TMPRSS15: variants seen among roughly 807,000 people sequenced by gnomAD.
TMPRSS15 encodes the protein transmembrane serine protease 15, also known as enteropeptidase.
TMPRSS15 carries 128 observed loss-of-function variants against 125.3 expected under a neutral mutation model. That is an observed-to-expected ratio of 1.02 (90% CI 0.89 to 1.18). The LOEUF (loss-of-function observed/expected upper bound fraction) is 1.18, where lower values mean the gene tolerates loss of function less well. TMPRSS15 is among the 50% of genes most tolerant of loss of function. The pLI is 0.00. For synonymous variants in TMPRSS15, 446 were observed against 423.2 expected (o/e 1.05, Z -0.66); for missense variants, 1,283 against 1,212.7 (o/e 1.06, Z -0.86).
chr21:18,445,343 G>A (rs968271959), intron 1 of TMPRSS15, among the ~76,000 whole-genome samples: 6 of 151,696 alleles, frequency 4.0e-5, no homozygotes, highest in African/African-American at 1.5e-4. Flanking sequence ...ACCACTCCTG[G>A]CTAATTTTTG....
chr21:18,470,968 A>G (rs1371461361), intron 1 of TMPRSS15, among the ~76,000 whole-genome samples: 1 of 133,296 alleles, frequency 7.5e-6, no homozygotes, highest in Non-Finnish European at 1.6e-5. Context: ...AAATCACAAG[A>G]TACGTAAAAA....
chr21:18,429,029 G>A lies in TMPRSS15; in HGVS notation c.11-30700C>T, dbSNP rs150781859. On this transcript the variant is annotated intron_variant, in intron 1 of 7. Transcript: ENST00000422787. ...AGGACAGAGCTGCCCAAGACCATGG[G>A]AACCCACCTCTTGCATCAGCATCAG... 9.5e-4 allele frequency among the ~76,000 whole-genome samples: 144 copies of A among 152,316 alleles called. 1 individual carries two copies. The Middle Eastern group carries it at 0.01, about 11-fold the overall frequency.
intron 1 of TMPRSS15, among the ~76,000 whole-genome samples, chr21:18,482,675 G>A (rs528658798): frequency 1.3e-5 from 2 of 151,646 alleles, no homozygotes; most frequent in African/African-American, 4.8e-5. Context: ...GAAATGATAT[G>A]ATTTTACCTA....
At chr21:18,325,097 T>C (rs1246864417) in intron 16 of TMPRSS15, among the ~76,000 whole-genome samples, 2 of 152,078 alleles carry the variant, frequency 1.3e-5, no homozygotes, top group Non-Finnish European at 2.9e-5. Flanking sequence ...CACACGCTTA[T>C]GTAAATACAT....
At chr21:18,430,197 T>C (rs933678512) in intron 1 of TMPRSS15, among the ~76,000 whole-genome samples, 10 of 152,218 alleles carry the variant, frequency 6.6e-5, no homozygotes, top group African/African-American at 2.4e-4. Flanking sequence ...TGTGTATCAA[T>C]GCTGGTGAAT....
chr21:18,302,363 C>A (rs1244470551), intron 18 of TMPRSS15, among the ~76,000 whole-genome samples: 1 of 152,060 alleles, frequency 6.6e-6, no homozygotes, highest in African/African-American at 2.4e-5. Context: ...AGAAGAGATT[C>A]GATGGCAAAT....
chr21:18,411,133 C>G (rs905767404), intron 1 of TMPRSS15, among the ~76,000 whole-genome samples: 2 of 152,096 alleles, frequency 1.3e-5, no homozygotes, highest in Admixed American at 1.3e-4. Context: ...CATTCCTCTG[C>G]TACTTCTAGG....
At chr21:18,327,168 G>A (rs2075300653) in intron 15 of TMPRSS15, among the ~76,000 whole-genome samples, 1 of 152,156 alleles carries the variant, frequency 6.6e-6, no homozygotes, top group Non-Finnish European at 1.5e-5. Context: ...AGCCCTGAAA[G>A]TGATTCAGTT....
intron 17 of TMPRSS15, among the ~76,000 whole-genome samples, 179 bp from the exon 18 acceptor site, chr21:18,313,256 A>G (rs2075120708): frequency 6.6e-6 from 1 of 152,052 alleles, no homozygotes; most frequent in South Asian, 2.1e-4. Flanking sequence ...AAATTTTGCA[A>G]AATTTCAAAT....
At chr21:18,444,102 C>G (rs915858761) in intron 1 of TMPRSS15, among the ~76,000 whole-genome samples, 2 of 152,118 alleles carry the variant, frequency 1.3e-5, no homozygotes, top group African/African-American at 2.4e-5. Flanking sequence ...TGTAACCAGG[C>G]AAGTCACACC....
At chr21:18,451,535 C>CTGTTT (rs1978339537) in intron 1 of TMPRSS15, among the ~76,000 whole-genome samples, 1 of 152,118 alleles carries the variant, frequency 6.6e-6, no homozygotes, top group Non-Finnish European at 1.5e-5. Context: ...CAACAAGAAG[C>CTGTTT]ATTGAGGTGT....
chr21:18,431,320 C>A (rs2076216142), intron 1 of TMPRSS15, among the ~76,000 whole-genome samples: 1 of 152,006 alleles, frequency 6.6e-6, no homozygotes, highest in South Asian at 2.1e-4. Flanking sequence ...TTTGTAATTG[C>A]TGTATTTTAT....
intron 1 of TMPRSS15, among the ~76,000 whole-genome samples, chr21:18,471,661 T>C (rs1978783051): frequency 6.6e-6 from 1 of 152,028 alleles, no homozygotes; most frequent in Admixed American, 6.6e-5. Context: ...TGATAATTTT[T>C]ATAGAAACCT....
At chr21:18,424,828 G>T (rs1355597286) in intron 1 of TMPRSS15, among the ~76,000 whole-genome samples, 1 of 149,990 alleles carries the variant, frequency 6.7e-6, no homozygotes, top group Non-Finnish European at 1.5e-5. Flanking sequence ...GTGTTTTCTT[G>T]ATGTAAATAT....
chr21:18,287,802 G>T (rs1488160937), intron 21 of TMPRSS15, among the ~76,000 whole-genome samples: 2 of 152,174 alleles, frequency 1.3e-5, no homozygotes, highest in Non-Finnish European at 2.9e-5. Flanking sequence ...CAGTAAGATA[G>T]TATTAACTTT....
chr21:18,288,550 TTTTG>T (rs1253503551), intron 21 of TMPRSS15, among the ~76,000 whole-genome samples: 4 of 118,172 alleles, frequency 3.4e-5, no homozygotes, highest in South Asian at 3.0e-4. Context: ...TTTTTTTTTT[TTTTG>T]AGATGGAGTG....
intron 1 of TMPRSS15, among the ~76,000 whole-genome samples, chr21:18,425,044 G>A (rs943050140): frequency 1.3e-5 from 2 of 151,322 alleles, no homozygotes; most frequent in African/African-American, 4.8e-5. Flanking sequence ...CAAGATGCCA[G>A]AGACATTAAG....
intron 1 of TMPRSS15, among the ~76,000 whole-genome samples, chr21:18,450,569 T>C (rs1018221351): frequency 1.3e-5 from 2 of 152,158 alleles, no homozygotes; most frequent in Non-Finnish European, 2.9e-5. Context: ...TATTTTCTGA[T>C]CAATTGGAGC....
chr21:18,390,042 G>A (rs1279981212), intron 3 of TMPRSS15, among the ~76,000 whole-genome samples: 1 of 152,124 alleles, frequency 6.6e-6, no homozygotes, highest in African/African-American at 2.4e-5. Context: ...AGCCCTCAAT[G>A]CCAGCTCTAT....
Sources: gnomAD v4.1 joint callset for allele counts (sites outside exome capture counted in the v4.1 genomes callset) on GRCh38, gnomAD v4.1.1 for gene constraint, MANE v1.5 for transcripts, NCBI Gene and HGNC (gene_info 2026-07-23, HGNC 2026-07-21) for gene names.